The following SRRM4 variants were observed in gnomAD, a reference collection of about 807,000 sequenced individuals.
The protein encoded by SRRM4 is serine/arginine repetitive matrix 4, also known as serine/arginine repetitive matrix protein 4.
In SRRM4, 33 loss-of-function variants were observed where a neutral mutation model predicts 68.9. The observed-to-expected ratio is 0.48, with a 90% CI of 0.36 to 0.64. SRRM4 has a LOEUF of 0.64. Ranked by LOEUF, SRRM4 falls within the 30% of genes least tolerant of loss-of-function variation. The probability of loss-of-function intolerance (pLI) is 0.00; values close to 1 mark genes in which losing one functional copy is unlikely to be tolerated. For synonymous variants in SRRM4, 318 were observed against 318.8 expected (o/e 1.00, Z 0.03); for missense variants, 817 against 827.1 (o/e 0.99, Z 0.15).
rs1309390984 is a variant in SRRM4, at chr12:119,154,414, T to A, written c.1532+31T>A. ...GCCAGGGGGCAAGGGGGACCCACCT[T>A]CATCCTCGTTCCCACTCCCATTCTT... On this transcript the variant is annotated intron_variant, in intron 12 of 12. Transcript: ENST00000267260. The surrounding 1 kb of genome is among the most constrained non-coding windows in gnomAD (Gnocchi z 4.7). The A allele has an allele frequency of 6.2e-7, 1 of 1,606,262 alleles. No homozygotes were observed. The highest frequency in any genetic ancestry group is 1.7e-5 in the Admixed American group (1 of 59,554).
At chr12:119,132,706 C>G (rs965521536) in intron 8 of SRRM4, among the ~76,000 whole-genome samples, 1 of 152,094 alleles carries the variant, frequency 6.6e-6, no homozygotes, top group Non-Finnish European at 1.5e-5. Context: ...ATGAGCCTGG[C>G]CCTATCAGAA....
chr12:119,009,672 G>T (rs1953436804), intron 1 of SRRM4, among the ~76,000 whole-genome samples: 1 of 152,100 alleles, frequency 6.6e-6, no homozygotes, highest in Admixed American at 6.5e-5. Flanking sequence ...CCTACTCACC[G>T]GGTTGCCAAA....
At chr12:118,992,354 G>A (rs1309666843) in intron 1 of SRRM4, 2 of 152,254 alleles carry the variant, frequency 1.3e-5, no homozygotes. Context: ...AGGGTCTCCT[G>A]TGGCACCTGC....
intron 1 of SRRM4, among the ~76,000 whole-genome samples, chr12:119,014,262 G>A (rs144049478): frequency 6.6e-5 from 10 of 152,148 alleles, no homozygotes; most frequent in Non-Finnish European, 1.3e-4. Context: ...TCTGTCATAT[G>A]TGTTGCCTCA....
intron 1 of SRRM4, among the ~76,000 whole-genome samples, chr12:119,061,761 G>A (rs1489124603): frequency 6.6e-6 from 1 of 151,968 alleles, no homozygotes; most frequent in Non-Finnish European, 1.5e-5. Flanking sequence ...TTGACATATG[G>A]GGCTGGATAA....
chr12:119,111,726 C>T (rs1954144803), intron 2 of SRRM4, among the ~76,000 whole-genome samples: 1 of 152,118 alleles, frequency 6.6e-6, no homozygotes, highest in African/African-American at 2.4e-5. Flanking sequence ...TAGGCTTTTG[C>T]CCTGTGACAA....
intron 1 of SRRM4, among the ~76,000 whole-genome samples, chr12:119,067,129 C>A (rs1368601683): frequency 6.9e-6 from 1 of 145,718 alleles, no homozygotes; most frequent in East Asian, 1.9e-4. Context: ...CGTGTCCACC[C>A]CAAATTATCC....
chr12:119,103,520 C>T (rs900807292), intron 2 of SRRM4, among the ~76,000 whole-genome samples: 1 of 152,208 alleles, frequency 6.6e-6, no homozygotes, highest in African/African-American at 2.4e-5. Flanking sequence ...CTAGGCTGCC[C>T]TCTCAGCTAC....
At chr12:119,106,917 G>T (rs1954111147) in intron 2 of SRRM4, among the ~76,000 whole-genome samples, 1 of 152,170 alleles carries the variant, frequency 6.6e-6, no homozygotes, top group African/African-American at 2.4e-5. Context: ...TCCAGTTTTT[G>T]CCCATTCAGT....
At chr12:119,118,691 G>A (rs1375404124) in intron 4 of SRRM4, among the ~76,000 whole-genome samples, 1 of 152,232 alleles carries the variant, frequency 6.6e-6, no homozygotes, top group Non-Finnish European at 1.5e-5. Context: ...TCCCTTTGCT[G>A]AGCAGCTCCT....
chr12:119,131,782 G>T (rs1954299441), intron 8 of SRRM4, among the ~76,000 whole-genome samples: 1 of 152,196 alleles, frequency 6.6e-6, no homozygotes, highest in African/African-American at 2.4e-5. Context: ...AGACTCTAAA[G>T]AGACAGACGA....
chr12:119,112,118 A>ACATG (rs1476105377), intron 2 of SRRM4, among the ~76,000 whole-genome samples: 1 of 152,120 alleles, frequency 6.6e-6, no homozygotes, highest in Non-Finnish European at 1.5e-5. Flanking sequence ...TGCTTCCTGG[A>ACATG]CATGCATACT....
intron 1 of SRRM4, among the ~76,000 whole-genome samples, chr12:119,082,621 T>C (rs1953955902): frequency 6.6e-6 from 1 of 152,236 alleles, no homozygotes; most frequent in African/African-American, 2.4e-5. Context: ...AGATGAAGGC[T>C]TCACTTGCTG....
At chr12:119,110,322 G>A (rs1302059009) in intron 2 of SRRM4, among the ~76,000 whole-genome samples, 1 of 152,214 alleles carries the variant, frequency 6.6e-6, no homozygotes, top group Non-Finnish European at 1.5e-5. Context: ...CTCAAACTCT[G>A]TGCTGGGAGA....
intron 1 of SRRM4, among the ~76,000 whole-genome samples, chr12:119,073,900 G>C (rs906672315): frequency 1.3e-5 from 2 of 152,130 alleles, no homozygotes; most frequent in Admixed American, 1.3e-4. Context: ...CCAAAGTGCT[G>C]GGATTATAGG....
At chr12:119,140,886 C>T (rs533810094) in intron 8 of SRRM4, among the ~76,000 whole-genome samples, 9 of 152,294 alleles carry the variant, frequency 5.9e-5, no homozygotes, top group African/African-American at 2.2e-4. Context: ...AAACTTTCTT[C>T]TAAGACCTTC....
intron 1 of SRRM4, among the ~76,000 whole-genome samples, chr12:119,096,105 C>G (rs1378131236): frequency 1.3e-5 from 2 of 151,458 alleles, no homozygotes; most frequent in African/African-American, 2.4e-5. Context: ...ACTGCAAGCT[C>G]TGCCTTCCAG....
intron 1 of SRRM4, among the ~76,000 whole-genome samples, chr12:119,099,144 C>A (rs971949151): frequency 6.8e-6 from 1 of 148,090 alleles, no homozygotes; most frequent in African/African-American, 2.5e-5. Context: ...ATTATTATTA[C>A]TATTGTTATA....
chr12:119,120,133 TTCCTTCC>T, intron 4 of SRRM4, 110 bp from the exon 5 acceptor site: 1 of 608,602 alleles, frequency 1.6e-6, no homozygotes, highest in East Asian at 3.2e-5. Context: ...CCTCCCTTTC[TTCCTTCC>T]TCCTTTCTCT....
Sources: gnomAD v4.1 joint callset for allele counts (sites outside exome capture counted in the v4.1 genomes callset) on GRCh38, gnomAD v4.1.1 for gene constraint, Gnocchi (gnomAD v3.1) non-coding constraint, MANE v1.5 for transcripts, NCBI Gene and HGNC (gene_info 2026-07-23, HGNC 2026-07-21) for gene names.